HIF3A: variants seen among roughly 807,000 people sequenced by gnomAD.
The protein encoded by HIF3A is hypoxia inducible factor 3 subunit alpha, also known as hypoxia-inducible factor 3-alpha.
Under a neutral mutation model 67.2 loss-of-function variants are expected in HIF3A, and 41 were observed. The ratio of observed to expected loss-of-function variants is 0.61; its 90% CI spans 0.48 to 0.79. The LOEUF is 0.79. Among genes scored for constraint, HIF3A ranks in the 30% least tolerant of loss-of-function variants. The probability of loss-of-function intolerance (pLI) is 0.00; values close to 1 mark genes in which losing one functional copy is unlikely to be tolerated. For synonymous variants in HIF3A, 356 were observed against 374.8 expected, an observed-to-expected ratio of 0.95 and a Z score of 0.58; for missense variants, 855 against 898.0, an observed-to-expected ratio of 0.95 and a Z score of 0.61.
chr19:46,322,902 G>A (rs950118562), intron 10 of HIF3A, among the ~76,000 whole-genome samples: 18 of 152,092 alleles, frequency 1.2e-4, no homozygotes, highest in Admixed American at 3.3e-4. Flanking sequence ...ATGCCGTCCC[G>A]GGCACCACCC....
At chr19:46,309,030 G>T in intron 5 of HIF3A, 121 bp from the exon 6 acceptor site, 1 of 843,984 alleles carries the variant, frequency 1.2e-6, no homozygotes, top group Non-Finnish European at 1.8e-6. Context: ...CTTTGAACCT[G>T]AAGTCTTCAT....
At position 46,303,860 on chromosome 19, in the gene HIF3A, C is replaced by G. The variant is rs758588946; in HGVS notation, c.27-38C>G. On this transcript the variant is annotated intron_variant, in intron 1 of 14. Coordinates refer to ENST00000377670, the MANE Select transcript of HIF3A (RefSeq NM_152795.4). Reference sequence around the variant, plus strand: ...CTCGTCCCGTCCTCCTTTTCTCTTTCCCGAGTCACCACCAGTGAATGCTGC... The same window carrying G: ...CTCGTCCCGTCCTCCTTTTCTCTTTGCCGAGTCACCACCAGTGAATGCTGC... 1.1e-5 allele frequency: 17 copies of G among 1,587,916 alleles called. No homozygotes were observed. In the African/African-American group the frequency reaches 2.1e-4, roughly 20 times the overall value.
In HIF3A at chr19:46,308,196, C is replaced by T. The variant is rs763849878; in HGVS notation, c.364-25C>T. 6.6e-6 allele frequency: 10 copies of T among 1,510,180 alleles called. No homozygotes were observed. The East Asian group carries it at 1.4e-4, about 20-fold the overall frequency. The allele number at this position is 1,510,180 out of a possible 1,614,324, so 93.5% of individuals were successfully genotyped here. ...GAGATGGGTCAGAAGCCCTGGTAGA[C>T]CCCCACCCCTCTCATCCCTGGCAGC... is the stretch of plus-strand genomic sequence containing the variant. On this transcript the variant is annotated intron_variant, in intron 3 of 14. Coordinates refer to ENST00000377670, the MANE Select transcript of HIF3A (RefSeq NM_152795.4).
At chr19:46,329,078 C>T (rs1970993322) in intron 11 of HIF3A, 129 bp from the exon 12 acceptor site, 3 of 855,610 alleles carry the variant, frequency 3.5e-6, no homozygotes, top group Admixed American at 2.6e-5. Context: ...ACCCATTTTA[C>T]AGATGAGGAA....
chr19:46,342,787 A>G lies in HIF3A; in HGVS notation c.*3165A>G, dbSNP rs1427193088. 3 of 151,450 alleles carry G rather than the reference A, an allele frequency of 2.0e-5. No individual in the cohort carries two copies. The highest frequency in any genetic ancestry group is 7.3e-5 in the African/African-American group (3 of 41,120). The allele number at this position is 151,450 out of a possible 1,614,324, so 9.4% of individuals were successfully genotyped here. ...CTTCCCACCCCACTGAACTTACCCA[A>G]TTCCTTCTTTCAGTCTTAAGTTTTC... On this transcript the variant is annotated 3_prime_UTR_variant, in exon 15 of 15. Coordinates refer to ENST00000377670, the MANE Select transcript of HIF3A (RefSeq NM_152795.4).
intron 1 of HIF3A, among the ~76,000 whole-genome samples, chr19:46,301,067 G>T (rs908558466): frequency 3.9e-5 from 6 of 152,174 alleles, no homozygotes; most frequent in Middle Eastern, 3.4e-3. Context: ...AGAACAGGAC[G>T]GAATGTCCTC....
intron 13 of HIF3A, among the ~76,000 whole-genome samples, chr19:46,333,294 G>A (rs149282299): frequency 1.2e-3 from 187 of 152,268 alleles, no homozygotes; most frequent in African/African-American, 4.3e-3. Flanking sequence ...TGTTGAAAAA[G>A]GTGTTAACAT....
intron 13 of HIF3A, among the ~76,000 whole-genome samples, chr19:46,333,788 CT>C (rs1165101162): frequency 2.7e-3 from 282 of 103,552 alleles, no homozygotes; most frequent in South Asian, 6.2e-3. Context: ...TTCTTTCTTT[CT>C]TTTTTTTTTT....
At chr19:46,329,938 G>T (rs1246866947) in intron 12 of HIF3A, among the ~76,000 whole-genome samples, 3 of 128,426 alleles carry the variant, frequency 2.3e-5, no homozygotes, top group African/African-American at 6.1e-5. Context: ...TCCAGCCTGG[G>T]CAATGGTGAG....
intron 3 of HIF3A, 60 bp downstream of exon 3, chr19:46,305,450 G>T (rs1968759324): frequency 1.3e-6 from 2 of 1,538,762 alleles, no homozygotes; most frequent in East Asian, 4.6e-5. Context: ...GGATACAGTG[G>T]TGACCAGGAC....
chr19:46,307,991 C>CAGAT lies in HIF3A; in HGVS notation c.364-227_364-226insTAGA, dbSNP rs754736696. ...ACAGACAGACAGACAGACAGACAGA[C>CAGAT]AGACAGACAGATAGATAGATAGATA... On this transcript the variant is annotated intron_variant, in intron 3 of 14. Transcript: ENST00000377670. Among the ~76,000 whole-genome samples, 390 of 138,074 alleles carry CAGAT rather than the reference C, an allele frequency of 2.8e-3. 3 individuals are homozygous for CAGAT. Among genetic ancestry groups the CAGAT allele is most frequent in the African/African-American group, 9.7e-3 (355 of 36,460 alleles). 90.6% of individuals were successfully genotyped at this position (138,074 alleles called of 152,430 possible). A position where few individuals can be genotyped will look rare whatever the true frequency, so the allele number is the denominator to read the frequency against.
intron 10 of HIF3A, among the ~76,000 whole-genome samples, chr19:46,322,264 G>T (rs1051802183): frequency 2.2e-4 from 33 of 152,094 alleles, no homozygotes; most frequent in African/African-American, 7.0e-4. Flanking sequence ...GACCAAATGT[G>T]GGCAGTTTTT....
In HIF3A at chr19:46,298,385, C is replaced by T. The variant is rs562751142; in HGVS notation, c.26+1283C>T. ...GGTGCCCCCCCTCCCCACCCAAGGC[C>T]GGCCCTTTCCTGTGGAGTCATCTCA... On this transcript the variant is annotated intron_variant, in intron 1 of 14. Coordinates refer to ENST00000377670, the MANE Select transcript of HIF3A (RefSeq NM_152795.4). 107 of 1,287,504 alleles carry T rather than the reference C, an allele frequency of 8.3e-5. No individual in the cohort carries two copies. In the African/African-American group the frequency reaches 1.4e-3, roughly 17 times the overall value. The allele number at this position is 1,287,504 out of a possible 1,614,324, so 79.8% of individuals were successfully genotyped here. A position where few individuals can be genotyped will look rare whatever the true frequency, so the allele number is the denominator to read the frequency against.
At chr19:46,311,040 C>T (rs557818740) in intron 6 of HIF3A, among the ~76,000 whole-genome samples, 2 of 152,240 alleles carry the variant, frequency 1.3e-5, no homozygotes, top group South Asian at 4.1e-4. Flanking sequence ...CGTGAGCCAC[C>T]GCACCCGGCC....
At position 46,333,533 on chromosome 19, in the gene HIF3A, G is replaced by A. The variant is rs540359434; in HGVS notation, c.1831-1372G>A. On this transcript the variant is annotated intron_variant, in intron 13 of 14. Transcript: ENST00000377670. ...CATGAGCTAACCAACAGGATCACAC[G>A]GAGCAAAGTTGCATGCTGTCACGGT... Among the ~76,000 whole-genome samples, 11 of 152,126 alleles carry A rather than the reference G, an allele frequency of 7.2e-5. No individual in the cohort carries two copies. The South Asian group carries it at 1.5e-3, about 20-fold the overall frequency.
At chr19:46,310,477 C>T (rs1969331064) in intron 6 of HIF3A, 2 of 336,412 alleles carry the variant, frequency 5.9e-6, no homozygotes, top group Non-Finnish European at 1.2e-5. Flanking sequence ...TTTCTCTCCC[C>T]CTCTCTTCCT....
At chr19:46,305,064 G>T (rs772595079) in intron 2 of HIF3A, 181 bp from the exon 3 acceptor site, 2 of 824,804 alleles carry the variant, frequency 2.4e-6, no homozygotes, top group South Asian at 2.8e-5. Flanking sequence ...TAATTCCAGT[G>T]CTTCTTGGTC....
rs1210120392 is a variant in HIF3A, at chr19:46,305,319, A to G, written c.292A>G (p.Met98Val). The part of the protein sequence containing the change: ...CYLKALEGFV[M>V]VLTAEGDMAY... ...CCTGAAGGCCCTGGAGGGCTTCGTCATGGTGCTCACCGCCGAGGGAGACAT... is the reference window on the plus strand; with the variant it reads ...CCTGAAGGCCCTGGAGGGCTTCGTCGTGGTGCTCACCGCCGAGGGAGACAT... The change falls in exon 3 of 15, where the codon ATG (methionine) becomes GTG (valine). Residue 98 changes from methionine (M) to valine (V), a missense_variant. This residue lies in a region of HIF3A where 638 missense variants were observed against 660.5 expected (regional missense o/e 0.97). Transcript: ENST00000377670. The G allele has an allele frequency of 1.2e-6, 2 of 1,614,112 alleles. No homozygotes were observed. The highest frequency in any genetic ancestry group is 1.7e-5 in the Admixed American group (1 of 60,016).
intron 5 of HIF3A, 87 bp from the exon 6 acceptor site, chr19:46,309,064 A>AT (rs1402401462): frequency 2.0e-5 from 23 of 1,126,064 alleles, no homozygotes; most frequent in Non-Finnish European, 2.8e-5. Flanking sequence ...CAGCTCCCTG[A>AT]TGGGCCCTCA....
Sources: allele counts gnomAD v4.1 joint callset (sites outside exome capture counted in the v4.1 genomes callset), GRCh38; gene constraint gnomAD v4.1.1; regional missense constraint gnomAD v4.1.1; transcripts MANE v1.5; gene names NCBI Gene and HGNC (gene_info 2026-07-23, HGNC 2026-07-21).